The following UBAC2 variants were observed in gnomAD, a reference collection of about 807,000 sequenced individuals.
The protein encoded by UBAC2 is UBA domain containing 2.
UBAC2 carries 26 observed loss-of-function variants against 44.0 expected under a neutral mutation model. The observed-to-expected ratio is 0.59, with a 90% CI of 0.43 to 0.82. The LOEUF is 0.82. Among genes scored for constraint, UBAC2 ranks in the 40% least tolerant of loss-of-function variants. UBAC2 has a pLI of 0.00. For synonymous variants in UBAC2, 155 were observed against 154.3 expected (o/e 1.00, Z -0.04); for missense variants, 329 against 419.4 (o/e 0.78, Z 1.88).
rs1056511283 is a variant in UBAC2, at chr13:99,286,852, C to G, written c.390-27245C>G. Among the ~76,000 whole-genome samples the G allele has an allele frequency of 8.5e-5, 13 of 152,154 alleles. No homozygotes were observed. The East Asian group carries it at 1.2e-3, about 14-fold the overall frequency. ...CCTTAGAATGTGGCCAGTGCGCGTC[C>G]CATTCTCCTATGATTTGAATTGCTG... On this transcript the variant is annotated intron_variant, in intron 4 of 8. Transcript: ENST00000403766.
Position 99,263,772 on chromosome 13 carries a change from G to A in UBAC2, c.389+19148G>A, listed in dbSNP as rs369542909. 1.4e-3 allele frequency among the ~76,000 whole-genome samples: 209 copies of A among 152,324 alleles called. 2 individuals carry two copies. Among genetic ancestry groups the A allele is most frequent in the African/African-American group, 4.9e-3 (204 of 41,566 alleles). On this transcript the variant is annotated intron_variant, in intron 4 of 8. Transcript: ENST00000403766. ...CTATAGCATGAATAAGTCACTTGTG[G>A]TGTAGGCATAGAGTGGAGTGCAAGT...
chr13:99,374,219 GC>G (rs1413094441), intron 8 of UBAC2, among the ~76,000 whole-genome samples: 2 of 152,154 alleles, frequency 1.3e-5, no homozygotes, highest in Non-Finnish European at 2.9e-5. Flanking sequence ...ACTTCAGGTT[GC>G]TTTTTTTTTA....
At chr13:99,226,559 C>A (rs1190878297) in intron 1 of UBAC2, among the ~76,000 whole-genome samples, 2 of 152,168 alleles carry the variant, frequency 1.3e-5, no homozygotes, top group Non-Finnish European at 2.9e-5. Flanking sequence ...AAAAACATGT[C>A]CAATCATGTT....
intron 4 of UBAC2, among the ~76,000 whole-genome samples, chr13:99,286,880 C>G (rs1218086249): frequency 1.3e-5 from 2 of 152,184 alleles, no homozygotes; most frequent in Admixed American, 6.5e-5. Flanking sequence ...AATTGCTGTG[C>G]TTAACTGATT....
At chr13:99,322,924 T>A (rs2044588478) in intron 6 of UBAC2, among the ~76,000 whole-genome samples, 1 of 152,214 alleles carries the variant, frequency 6.6e-6, no homozygotes, top group African/African-American at 2.4e-5. Context: ...CTCTTCCCTC[T>A]GTAGTACTTT....
intron 4 of UBAC2, among the ~76,000 whole-genome samples, chr13:99,297,060 C>T (rs1420168711): frequency 6.6e-6 from 1 of 152,162 alleles, no homozygotes; most frequent in East Asian, 1.9e-4. Context: ...ATTCTACAGT[C>T]TTCCAATGTG....
intron 4 of UBAC2, among the ~76,000 whole-genome samples, chr13:99,308,329 G>A (rs1216874114): frequency 6.6e-6 from 1 of 152,154 alleles, no homozygotes; most frequent in Non-Finnish European, 1.5e-5. Flanking sequence ...CTGGGGATGT[G>A]TATGCTTTGT....
intron 1 of UBAC2, among the ~76,000 whole-genome samples, chr13:99,230,211 C>T (rs2043156887): frequency 6.6e-6 from 1 of 152,190 alleles, no homozygotes; most frequent in Non-Finnish European, 1.5e-5. Flanking sequence ...TGCCTGTAAT[C>T]ATAGCACTTT....
intron 1 of UBAC2, among the ~76,000 whole-genome samples, chr13:99,203,642 G>A (rs1871289377): frequency 6.6e-6 from 1 of 152,208 alleles, no homozygotes; most frequent in African/African-American, 2.4e-5. Context: ...CAGGATCAAG[G>A]AGACCAGCAT....
rs188711815 is a variant in UBAC2, at chr13:99,228,807, T to A, written c.32-9620T>A. Among the ~76,000 whole-genome samples, 166 of 152,286 alleles carry A rather than the reference T, an allele frequency of 1.1e-3. 3 individuals carry two copies. The Middle Eastern group carries it at 0.014, about 12-fold the overall frequency. On this transcript the variant is annotated intron_variant, in intron 1 of 8. Coordinates refer to ENST00000403766, the MANE Select transcript of UBAC2 (RefSeq NM_001144072.2). The stretch of plus-strand genomic sequence containing the variant: ...TAGATTCCGTGGAGCCTTGTTTGCA[T>A]TTTGGTCATGAAGAAAGTATGCAAC...
At chr13:99,325,123 T>C (rs2044621587) in intron 6 of UBAC2, among the ~76,000 whole-genome samples, 1 of 116,140 alleles carries the variant, frequency 8.6e-6, no homozygotes, top group Non-Finnish European at 1.8e-5. Flanking sequence ...TTTTTTTTGA[T>C]ACGGAGTCTC....
At chr13:99,290,350 T>G (rs1472264243) in intron 4 of UBAC2, among the ~76,000 whole-genome samples, 1 of 152,200 alleles carries the variant, frequency 6.6e-6, no homozygotes, top group Admixed American at 6.5e-5. Context: ...TTTCTGACTC[T>G]CATCAAGAGG....
At chr13:99,245,377 A>G (rs1472679918) in intron 4 of UBAC2, among the ~76,000 whole-genome samples, 1 of 152,240 alleles carries the variant, frequency 6.6e-6, no homozygotes, top group Non-Finnish European at 1.5e-5. Flanking sequence ...CAAACATAAA[A>G]CAAAGCCGGT....
chr13:99,355,777 G>A (rs1050160038), intron 7 of UBAC2, among the ~76,000 whole-genome samples: 3 of 152,292 alleles, frequency 2.0e-5, no homozygotes, highest in Admixed American at 6.5e-5. Context: ...AAGCCCCCCC[G>A]CAGCTGCCCA....
intron 4 of UBAC2, among the ~76,000 whole-genome samples, chr13:99,278,343 C>A (rs914381988): frequency 6.6e-6 from 1 of 151,990 alleles, no homozygotes; most frequent in Non-Finnish European, 1.5e-5. Context: ...CTTTCTCGGG[C>A]GCGTGAAGGG....
chr13:99,314,056 A>G, intron 4 of UBAC2, 41 bp from the exon 5 acceptor site: 1 of 1,556,412 alleles, frequency 6.4e-7, no homozygotes, highest in East Asian at 2.3e-5. Flanking sequence ...TTGTGTTTAA[A>G]ATTCACTATT....
intron 1 of UBAC2, among the ~76,000 whole-genome samples, chr13:99,236,140 C>T (rs930016483): frequency 2.6e-5 from 4 of 152,170 alleles, no homozygotes; most frequent in African/African-American, 9.7e-5. Flanking sequence ...GGACGTTGGT[C>T]TGGGCAAAGA....
Position 99,249,787 on chromosome 13 carries a change from ATCTC to A in UBAC2, c.389+5164_389+5167del, listed in dbSNP as rs1230450347. On this transcript the variant is annotated intron_variant, in intron 4 of 8. Transcript: ENST00000403766. ...GCCATTCTGACTGGTGTGAGATGGT[ATCTC>A]ATTGTGGTTTTGATTTGCATTTCTT... 7.1e-4 allele frequency among the ~76,000 whole-genome samples: 108 copies of A among 152,286 alleles called. 2 individuals carry two copies. In the East Asian group the frequency reaches 0.019, roughly 27 times the overall value.
chr13:99,260,228 C>G (rs1030212648), intron 4 of UBAC2, among the ~76,000 whole-genome samples: 1 of 152,200 alleles, frequency 6.6e-6, no homozygotes, highest in African/African-American at 2.4e-5. Flanking sequence ...TGCAGGTTTC[C>G]TTAGCACTTG....
Sources: gnomAD v4.1 joint callset for allele counts (sites outside exome capture counted in the v4.1 genomes callset) on GRCh38, gnomAD v4.1.1 for gene constraint, MANE v1.5 for transcripts, NCBI Gene and HGNC (gene_info 2026-07-23, HGNC 2026-07-21) for gene names.